Variants in NFIA observed in about 807,000 individuals in gnomAD.
The protein encoded by NFIA is nuclear factor 1 A-type.
NFIA carries 8 observed loss-of-function variants against 62.8 expected under a neutral mutation model. The observed-to-expected ratio is 0.13, with a 90% confidence interval of 0.07 to 0.23. NFIA has a LOEUF of 0.23. Among genes scored for constraint, NFIA ranks in the 10% least tolerant of loss-of-function variants. The pLI, the probability that NFIA is intolerant of heterozygous loss-of-function variation, is 1.00. For missense variants in NFIA, 410 were observed against 642.1 expected, an observed-to-expected ratio of 0.64 and a Z score of 3.91; for synonymous variants, 235 against 238.1, an observed-to-expected ratio of 0.99 and a Z score of 0.12.
At chr1:61,081,163 G>A (rs1047171623), upstream of NFIA, among the ~76,000 whole-genome samples, 1 of 152,018 alleles carries the variant, frequency 6.6e-6, no homozygotes, top group African/African-American at 2.4e-5. Flanking sequence ...ACCATCATGA[G>A]GAAGAGAAGT....
intron 2 of NFIA, among the ~76,000 whole-genome samples, chr1:61,104,965 A>C (rs1570160359): frequency 6.6e-6 from 1 of 152,112 alleles, no homozygotes; most frequent in Admixed American, 6.5e-5. Flanking sequence ...TGGATTTTTA[A>C]AAAAACTTAC....
At chr1:61,081,944 A>G (rs1251356168), upstream of NFIA, 2 of 1,550,282 alleles carry the variant, frequency 1.3e-6, no homozygotes, top group African/African-American at 2.7e-5. Flanking sequence ...ATTTGCATAC[A>G]TGCAAATGTG....
chr1:61,311,503 T>C (rs1010430224), intron 3 of NFIA, among the ~76,000 whole-genome samples: 1 of 152,194 alleles, frequency 6.6e-6, no homozygotes, highest in African/African-American at 2.4e-5. Context: ...ACTTTGGTGT[T>C]CTGTCACGTG....
intron 2 of NFIA, among the ~76,000 whole-genome samples, chr1:61,260,243 A>G (rs1656674082): frequency 6.6e-6 from 1 of 152,224 alleles, no homozygotes; most frequent in Non-Finnish European, 1.5e-5. Flanking sequence ...TTCAGAAAAT[A>G]GTATTTGTAC....
At chr1:61,206,767 C>G (rs539054166) in intron 2 of NFIA, among the ~76,000 whole-genome samples, 2 of 152,230 alleles carry the variant, frequency 1.3e-5, no homozygotes, top group East Asian at 3.9e-4. Context: ...CTGTTCTTTT[C>G]CTCTTTTTCT....
chr1:61,155,237 G>C lies in NFIA; in HGVS notation c.559+66557G>C, dbSNP rs186967252. 3.9e-5 allele frequency among the ~76,000 whole-genome samples: 6 copies of C among 152,288 alleles called. No individual in the cohort carries two copies. In the East Asian group the frequency reaches 1.2e-3, roughly 29 times the overall value. On this transcript the variant is annotated intron_variant, in intron 2 of 10. Transcript: ENST00000403491. ...GTTGAGGTTTTTCTCTTAAAGAAAAGTGTAAAGGTATACTTTCTTAAGACT... is the reference window on the plus strand; with the variant it reads ...GTTGAGGTTTTTCTCTTAAAGAAAACTGTAAAGGTATACTTTCTTAAGACT...
chr1:61,435,281 A>C (rs1369157183), intron 10 of NFIA, among the ~76,000 whole-genome samples: 1 of 152,178 alleles, frequency 6.6e-6, no homozygotes, highest in Non-Finnish European at 1.5e-5. Context: ...CAGCTTCCTC[A>C]TCTGTGAAAT....
intron 1 of NFIA, among the ~76,000 whole-genome samples, chr1:61,085,371 A>C (rs975936462): frequency 2.6e-5 from 4 of 152,144 alleles, no homozygotes; most frequent in African/African-American, 9.6e-5. Flanking sequence ...GCTCACTTTC[A>C]AACAGATCAA....
intron 2 of NFIA, among the ~76,000 whole-genome samples, chr1:61,274,061 A>G (rs1486560689): frequency 1.7e-4 from 26 of 152,198 alleles, no homozygotes; most frequent in Admixed American, 1.7e-3. Context: ...GCATTGTACA[A>G]GCGTTTGGAA....
chr1:61,349,871 G>A (rs1177910214), intron 4 of NFIA, among the ~76,000 whole-genome samples: 1 of 152,052 alleles, frequency 6.6e-6, no homozygotes, highest in East Asian at 1.9e-4. Flanking sequence ...GTGATTATAG[G>A]CGTGAGCCAC....
chr1:61,384,501 T>C (rs1283166090), intron 7 of NFIA, among the ~76,000 whole-genome samples: 1 of 152,182 alleles, frequency 6.6e-6, no homozygotes, highest in Non-Finnish European at 1.5e-5. Flanking sequence ...CATTTGTGTA[T>C]TATGTGTGGT....
chr1:61,083,970 C>T (rs996310431), intron 1 of NFIA, among the ~76,000 whole-genome samples: 5 of 152,110 alleles, frequency 3.3e-5, no homozygotes, highest in Admixed American at 1.3e-4. Flanking sequence ...AATCCGGTCC[C>T]CTTTGAATAT....
At chr1:61,322,976 G>A (rs1425031290) in intron 3 of NFIA, among the ~76,000 whole-genome samples, 1 of 152,090 alleles carries the variant, frequency 6.6e-6, no homozygotes, top group Non-Finnish European at 1.5e-5. Flanking sequence ...ATCATTGAGT[G>A]AGCAATGATG....
intron 2 of NFIA, among the ~76,000 whole-genome samples, chr1:61,140,383 C>T (rs1443498197): frequency 7.4e-6 from 1 of 135,356 alleles, no homozygotes; most frequent in Admixed American, 7.6e-5. Flanking sequence ...CGGGGGGAGG[C>T]AATGGGTAGG....
chr1:61,164,233 G>A (rs1222489539), intron 2 of NFIA, among the ~76,000 whole-genome samples: 1 of 151,730 alleles, frequency 6.6e-6, no homozygotes, highest in Non-Finnish European at 1.5e-5. Context: ...AAAAAAAAGT[G>A]CTTGTCATTT....
At chr1:61,083,698 G>T (rs532198555) in intron 1 of NFIA, among the ~76,000 whole-genome samples, 46 of 151,606 alleles carry the variant, frequency 3.0e-4, no homozygotes, top group Middle Eastern at 6.8e-3. Flanking sequence ...GGTAGCGCCG[G>T]GCAGAGTTGG....
chr1:61,242,342 C>T (rs1034547770), intron 2 of NFIA, among the ~76,000 whole-genome samples: 6 of 152,022 alleles, frequency 3.9e-5, no homozygotes, highest in Non-Finnish European at 8.8e-5. Context: ...GTTCATTGTG[C>T]TGGCTGCATA....
At chr1:61,095,942 A>G (rs1479052252) in intron 2 of NFIA, among the ~76,000 whole-genome samples, 1 of 151,940 alleles carries the variant, frequency 6.6e-6, no homozygotes, top group Non-Finnish European at 1.5e-5. Flanking sequence ...CATTACATAT[A>G]TTTTTATATA....
intron 2 of NFIA, among the ~76,000 whole-genome samples, chr1:61,216,414 G>C (rs1653628249): frequency 2.0e-5 from 3 of 152,082 alleles, no homozygotes; most frequent in Admixed American, 1.3e-4. Context: ...TTCAAAGAAG[G>C]CCTCTACTTC....
Sources: gnomAD v4.1 joint callset for allele counts (sites outside exome capture counted in the v4.1 genomes callset) on GRCh38, gnomAD v4.1.1 for gene constraint, MANE v1.5 for transcripts, NCBI Gene and HGNC (gene_info 2026-07-23, HGNC 2026-07-21) for gene names.